KCMF1: variants seen among roughly 807,000 people sequenced by gnomAD.
The protein encoded by KCMF1 is potassium channel modulatory factor 1, also known as E3 ubiquitin-protein ligase KCMF1.
A neutral mutation model predicts 41.1 loss-of-function variants in KCMF1; 3 were observed. That is an observed-to-expected ratio of 0.07 (90% CI 0.03 to 0.19). The LOEUF (loss-of-function observed/expected upper bound fraction) is 0.19. Ranked by LOEUF, KCMF1 falls within the 10% of genes least tolerant of loss-of-function variation. The pLI, the probability that KCMF1 is intolerant of heterozygous loss-of-function variation, is 1.00. For synonymous variants in KCMF1, 142 were observed against 164.5 expected (o/e 0.86, Z 1.04); for missense variants, 286 against 488.9 (o/e 0.58, Z 3.91).
intron 3 of KCMF1, among the ~76,000 whole-genome samples, chr2:85,042,755 C>T (rs1414708215): frequency 3.3e-5 from 5 of 152,118 alleles, no homozygotes; most frequent in East Asian, 1.9e-4. Context: ...CTCTTTAAAA[C>T]GTTCCTCATT....
chr2:84,978,177 A>G lies in KCMF1; in HGVS notation c.16+6710A>G, dbSNP rs145657390. Among the ~76,000 whole-genome samples the G allele has an allele frequency of 2.0e-4, 31 of 151,882 alleles. No individual in the cohort carries two copies. In the East Asian group the frequency reaches 5.6e-3, roughly 28 times the overall value. ...CTCACCCAGCTAATTTTGTATTTTT[A>G]GTAGATAGAGGGTTTCTCCATGTTA... On this transcript the variant is annotated intron_variant, in intron 1 of 6. Transcript: ENST00000409785.
intron 1 of KCMF1, among the ~76,000 whole-genome samples, chr2:84,974,572 G>A (rs922688652): frequency 1.4e-4 from 20 of 144,860 alleles, no homozygotes; most frequent in Non-Finnish European, 2.4e-4. Flanking sequence ...GTAATAGTAC[G>A]AAAGCAGCTA....
At chr2:84,972,748 G>T (rs1409497873) in intron 1 of KCMF1, among the ~76,000 whole-genome samples, 2 of 152,186 alleles carry the variant, frequency 1.3e-5, no homozygotes, top group African/African-American at 2.4e-5. Flanking sequence ...TTCAAAATTC[G>T]CATTACTAAT....
chr2:85,047,423 A>G (rs919544261), intron 5 of KCMF1, among the ~76,000 whole-genome samples: 4 of 152,158 alleles, frequency 2.6e-5, no homozygotes, highest in African/African-American at 9.7e-5. Flanking sequence ...TACACATTCC[A>G]CCACATGGAC....
At chr2:85,032,448 C>T (rs531380662) in intron 2 of KCMF1, among the ~76,000 whole-genome samples, 25 of 152,148 alleles carry the variant, frequency 1.6e-4, no homozygotes, top group Admixed American at 4.6e-4. Flanking sequence ...GCGATCTCGG[C>T]TCACTGCAAC....
At position 85,056,446 on chromosome 2, in the gene KCMF1, T is replaced by G. The variant is rs1313958007; in HGVS notation, c.*3037T>G. ...ACAGGTTCAGAGTTCTCTTGATACG[T>G]CCAAGCCTTAGTTTCCAGGAAAAAA... On this transcript the variant is annotated 3_prime_UTR_variant, in exon 7 of 7. Coordinates refer to ENST00000409785, the MANE Select transcript of KCMF1 (RefSeq NM_020122.5). 6.6e-6 allele frequency: 1 copy of G among 152,190 alleles called. No homozygotes were observed. The highest frequency in any genetic ancestry group is 1.5e-5 in the Non-Finnish European group (1 of 68,046). 9.4% of individuals were successfully genotyped at this position (152,190 alleles called of 1,614,324 possible).
At chr2:85,044,798 G>A (rs953583296) in intron 4 of KCMF1, among the ~76,000 whole-genome samples, 5 of 152,208 alleles carry the variant, frequency 3.3e-5, no homozygotes, top group South Asian at 4.1e-4. Context: ...GGATTCAGGC[G>A]TGAGCCACCA....
chr2:84,992,481 C>G (rs1035485919), intron 1 of KCMF1, among the ~76,000 whole-genome samples: 3 of 152,086 alleles, frequency 2.0e-5, no homozygotes, highest in Non-Finnish European at 4.4e-5. Context: ...GTCTCAAACT[C>G]CTGACCTCAG....
At chr2:84,972,008 C>G (rs1673410084) in intron 1 of KCMF1, 1 of 152,124 alleles carries the variant, frequency 6.6e-6, no homozygotes, top group African/African-American at 2.4e-5. Flanking sequence ...CGGGAAGGCT[C>G]TGCGGCCAAG....
intron 5 of KCMF1, among the ~76,000 whole-genome samples, chr2:85,048,093 C>T (rs1004125123): frequency 4.6e-5 from 7 of 151,912 alleles, no homozygotes; most frequent in African/African-American, 1.7e-4. Flanking sequence ...CACATGTACC[C>T]CCAAACCTAA....
chr2:84,975,686 A>G (rs1459258307), intron 1 of KCMF1, among the ~76,000 whole-genome samples: 3 of 152,214 alleles, frequency 2.0e-5, no homozygotes. Context: ...TGTCTAGTTC[A>G]CAGTGAACCC....
intron 1 of KCMF1, among the ~76,000 whole-genome samples, chr2:85,021,587 A>C (rs1459182308): frequency 1.3e-5 from 2 of 151,546 alleles, no homozygotes; most frequent in Non-Finnish European, 2.9e-5. Flanking sequence ...GCGCCACTGC[A>C]CTCCAGCCTG....
At chr2:85,004,233 G>A (rs374304229) in intron 1 of KCMF1, among the ~76,000 whole-genome samples, 6 of 151,988 alleles carry the variant, frequency 3.9e-5, no homozygotes, top group African/African-American at 7.2e-5. Flanking sequence ...ACTTTGGGGC[G>A]GGGCGTGGTG....
intron 1 of KCMF1, among the ~76,000 whole-genome samples, chr2:84,994,243 C>T (rs1438065004): frequency 6.6e-6 from 1 of 152,048 alleles, no homozygotes; most frequent in Non-Finnish European, 1.5e-5. Context: ...CCACCGCGCC[C>T]GGCCAAGTAT....
At chr2:85,024,442 C>A (rs980779022) in intron 1 of KCMF1, among the ~76,000 whole-genome samples, 4 of 152,058 alleles carry the variant, frequency 2.6e-5, no homozygotes, top group African/African-American at 9.7e-5. Flanking sequence ...CATTGCACTC[C>A]AGCCCCGGCG....
intron 1 of KCMF1, among the ~76,000 whole-genome samples, chr2:85,008,220 A>C (rs1220318984): frequency 8.1e-6 from 1 of 123,740 alleles, no homozygotes; most frequent in East Asian, 2.2e-4. Context: ...ATTTCTGCTA[A>C]AATACATCAC....
chr2:85,046,204 G>C lies in KCMF1; in HGVS notation c.527G>C (p.Ser176Thr). Residue 176 changes from serine (S) to threonine (T), a missense_variant, in exon 5 of 7, where the codon AGT (serine) becomes ACT (threonine). Coordinates refer to ENST00000409785, the MANE Select transcript of KCMF1 (RefSeq NM_020122.5). ...AGATCAAACATGCACTTTACTAGCA[G>C]TTCTACTGGTGGACTTTCTTCTTCT... ...ARRSNMHFTS[S>T]STGGLSSSQS... The C allele has an allele frequency of 6.2e-7, 1 of 1,613,352 alleles. No individual in the cohort carries two copies. The highest frequency in any genetic ancestry group is 8.5e-7 in the Non-Finnish European group (1 of 1,179,538).
chr2:84,998,840 G>C (rs1212221039), intron 1 of KCMF1, among the ~76,000 whole-genome samples: 1 of 150,514 alleles, frequency 6.6e-6, no homozygotes, highest in Admixed American at 6.6e-5. Context: ...TTGAACTCCT[G>C]ACCTCAAGTG....
At chr2:85,019,444 A>T (rs920740302) in intron 1 of KCMF1, among the ~76,000 whole-genome samples, 7 of 152,224 alleles carry the variant, frequency 4.6e-5, no homozygotes, top group Admixed American at 6.5e-5. Flanking sequence ...GTAGTATGGA[A>T]TGTTCTATAA....
Sources: allele counts gnomAD v4.1 joint callset (sites outside exome capture counted in the v4.1 genomes callset), GRCh38; gene constraint gnomAD v4.1.1; transcripts MANE v1.5; gene names NCBI Gene and HGNC (gene_info 2026-07-23, HGNC 2026-07-21).